The following GPR158 variants were observed in gnomAD, a reference collection of about 807,000 sequenced individuals.
GPR158 encodes the protein G protein-coupled receptor 158, also known as metabotropic glycine receptor.
A neutral mutation model predicts 78.2 loss-of-function variants in GPR158; 30 were observed. The ratio of observed to expected loss-of-function variants is 0.38; its 90% CI spans 0.29 to 0.52. The LOEUF is 0.52. GPR158 is among the 20% of genes least tolerant of loss of function. The pLI is 0.83. For missense variants in GPR158, 1,463 were observed against 1,523.5 expected (o/e 0.96, Z 0.66); for synonymous variants, 581 against 591.1 (o/e 0.98, Z 0.25).
At chr10:25,201,659 A>T (rs1029551799) in intron 1 of GPR158, among the ~76,000 whole-genome samples, 1 of 152,084 alleles carries the variant, frequency 6.6e-6, no homozygotes, top group Non-Finnish European at 1.5e-5. Flanking sequence ...TGTTCCTTCA[A>T]TGCCTAGTTT....
intron 2 of GPR158, among the ~76,000 whole-genome samples, chr10:25,365,133 A>G (rs4405201): frequency 0.81 from 123,558 of 151,688 alleles, 51,353 homozygotes; most frequent in Non-Finnish European, 0.87. Flanking sequence ...GGACATATAT[A>G]CATCCTGTAA....
intron 2 of GPR158, among the ~76,000 whole-genome samples, chr10:25,281,240 GA>G (rs1303278972): frequency 2.0e-5 from 3 of 149,454 alleles, no homozygotes; most frequent in Admixed American, 1.3e-4. Context: ...ACTGGTTAAA[GA>G]AAAAAAAAGA....
At chr10:25,229,269 A>T (rs1263506791) in intron 2 of GPR158, among the ~76,000 whole-genome samples, 2 of 152,114 alleles carry the variant, frequency 1.3e-5, no homozygotes, top group African/African-American at 4.8e-5. Flanking sequence ...CGCTATATTT[A>T]GGGACTCCCT....
intron 4 of GPR158, among the ~76,000 whole-genome samples, chr10:25,440,117 A>C (rs1027651532): frequency 3.9e-5 from 6 of 152,226 alleles, no homozygotes; most frequent in African/African-American, 1.4e-4. Context: ...AATGTTTAGA[A>C]GTGATAGATT....
rs752133549 is a variant in GPR158, at chr10:25,599,163, A to C, written c.3537A>C (p.Pro1179=). ...TTTGTCCTTGGGAGTTTGAGACCCCAGCTCAACCAAATGCTGGAAGAAGTG... is the reference window on the plus strand; with the variant it reads ...TTTGTCCTTGGGAGTTTGAGACCCCCGCTCAACCAAATGCTGGAAGAAGTG... ...AEVCPWEFET[P]AQPNAGRSVA... Residue 1179 remains proline, a synonymous_variant, in exon 11 of 11, where the codon CCA becomes CCC. Transcript: ENST00000376351. The C allele has an allele frequency of 1.9e-6, 3 of 1,611,140 alleles. No individual in the cohort carries two copies. The South Asian group carries it at 3.3e-5, about 18-fold the overall frequency.
chr10:25,314,289 C>T (rs573478545), intron 2 of GPR158, among the ~76,000 whole-genome samples: 20 of 152,008 alleles, frequency 1.3e-4, no homozygotes, highest in South Asian at 2.1e-4. Flanking sequence ...TTAATAGAGA[C>T]GGGGTTTCAC....
chr10:25,459,713 A>G (rs1458943373), intron 4 of GPR158, among the ~76,000 whole-genome samples: 1 of 152,238 alleles, frequency 6.6e-6, no homozygotes, highest in Admixed American at 6.5e-5. Context: ...ATCCCAGGCA[A>G]ATCTTCTATG....
At chr10:25,240,469 A>G (rs905604948) in intron 2 of GPR158, among the ~76,000 whole-genome samples, 6 of 152,210 alleles carry the variant, frequency 3.9e-5, no homozygotes, top group African/African-American at 1.2e-4. Flanking sequence ...AGATCGTGCC[A>G]TCCAGCCTGG....
intron 5 of GPR158, among the ~76,000 whole-genome samples, chr10:25,544,712 A>G (rs74395570): frequency 1.3e-5 from 2 of 152,144 alleles, no homozygotes; most frequent in African/African-American, 4.8e-5. Flanking sequence ...GTTTATATAT[A>G]ATATTTTTTG....
intron 9 of GPR158, 104 bp downstream of exon 9, chr10:25,594,501 TAA>T: frequency 1.9e-6 from 1 of 523,468 alleles, no homozygotes; most frequent in Non-Finnish European, 3.4e-6. Context: ...GCTTAATATT[TAA>T]AAGAGTTTTA....
At chr10:25,276,440 G>T (rs1315812460) in intron 2 of GPR158, among the ~76,000 whole-genome samples, 2 of 152,164 alleles carry the variant, frequency 1.3e-5, no homozygotes, top group Non-Finnish European at 2.9e-5. Flanking sequence ...TAAGAATAAG[G>T]TTCTTTGCCC....
chr10:25,425,175 CTGTT>C lies in GPR158; in HGVS notation c.1335+12706_1335+12709del, dbSNP rs762355689. Among the ~76,000 whole-genome samples the C allele has an allele frequency of 5.6e-4, 85 of 152,062 alleles. 2 individuals are homozygous for C. The highest frequency in any genetic ancestry group is 2.4e-4 in the Non-Finnish European group (16 of 67,964). ...GGGAGTTCACTCTTGATTTGGCTGT[CTGTT>C]TGTCTGTTATTGGTGTATAGGAATG... On this transcript the variant is annotated intron_variant, in intron 4 of 10. Coordinates refer to ENST00000376351, the MANE Select transcript of GPR158 (RefSeq NM_020752.3).
At chr10:25,383,056 G>T (rs1754254) in intron 2 of GPR158, among the ~76,000 whole-genome samples, 1 of 151,942 alleles carries the variant, frequency 6.6e-6, no homozygotes, top group African/African-American at 2.4e-5. Context: ...AGGCTGGTCT[G>T]GAACACCTGA....
At chr10:25,415,111 C>T (rs1293894756) in intron 4 of GPR158, among the ~76,000 whole-genome samples, 3 of 151,954 alleles carry the variant, frequency 2.0e-5, no homozygotes, top group Non-Finnish European at 2.9e-5. Flanking sequence ...TCTTCATGAC[C>T]TTCAGTTAAG....
Position 25,599,493 on chromosome 10 carries a change from A to C in GPR158, c.*219A>C. 1 of 531,380 alleles carries C rather than the reference A, an allele frequency of 1.9e-6. No individual in the cohort carries two copies. The highest frequency in any genetic ancestry group is 2.5e-5 in the South Asian group (1 of 39,284). The allele number at this position is 531,380 out of a possible 1,614,324, so 32.9% of individuals were successfully genotyped here. A position where few individuals can be genotyped will look rare whatever the true frequency, so the allele number is the denominator to read the frequency against. On this transcript the variant is annotated 3_prime_UTR_variant, in exon 11 of 11. Transcript: ENST00000376351. ...TGGTCAAGAAAGTCCTTCCCTTGGT[A>C]ACACTAGGAAAATCTTTCCATTTCA... is the stretch of plus-strand genomic sequence containing the variant.
Position 25,598,287 on chromosome 10 carries a change from AGAG to A in GPR158, c.2662_2664del (p.Glu888del). On this transcript the variant is annotated inframe_deletion, in exon 11 of 11. Coordinates refer to ENST00000376351, the MANE Select transcript of GPR158 (RefSeq NM_020752.3). ...CAGCAAGCGCTCACAACCTCAGCTC[AGAG>A]AAGAAAACTGGGCACCCACGAACAT... is the stretch of plus-strand genomic sequence containing the variant. The A allele has an allele frequency of 6.2e-7, 1 of 1,614,124 alleles. No homozygotes were observed. Among genetic ancestry groups the A allele is most frequent in the Non-Finnish European group, 8.5e-7 (1 of 1,180,002 alleles).
At chr10:25,551,871 C>T (rs1017187267) in intron 6 of GPR158, among the ~76,000 whole-genome samples, 4 of 152,134 alleles carry the variant, frequency 2.6e-5, no homozygotes, top group Non-Finnish European at 5.9e-5. Flanking sequence ...TTGTACTGAT[C>T]AGCTTTAAAG....
intron 4 of GPR158, among the ~76,000 whole-genome samples, chr10:25,462,817 T>C (rs190411445): frequency 4.6e-5 from 7 of 152,338 alleles, no homozygotes; most frequent in African/African-American, 1.7e-4. Flanking sequence ...TTGCTTCTTA[T>C]GGATGAGCAA....
At chr10:25,459,836 T>A (rs1040991273) in intron 4 of GPR158, among the ~76,000 whole-genome samples, 1 of 140,796 alleles carries the variant, frequency 7.1e-6, no homozygotes, top group Non-Finnish European at 1.6e-5. Flanking sequence ...ATTTGACATA[T>A]TTTTTTGTCT....
Sources: allele counts gnomAD v4.1 joint callset (sites outside exome capture counted in the v4.1 genomes callset), GRCh38; gene constraint gnomAD v4.1.1; transcripts MANE v1.5; gene names NCBI Gene and HGNC (gene_info 2026-07-23, HGNC 2026-07-21).